PUM2: variants seen among roughly 807,000 people sequenced by gnomAD.
PUM2 encodes pumilio RNA binding family member 2, also known as pumilio homolog 2.
PUM2 carries 57 observed loss-of-function variants against 124.5 expected under a neutral mutation model. That is an observed-to-expected ratio of 0.46 (90% CI 0.37 to 0.57). The LOEUF (loss-of-function observed/expected upper bound fraction) is 0.57. Ranked by LOEUF, PUM2 falls within the 20% of genes least tolerant of loss-of-function variation. The probability of loss-of-function intolerance (pLI) is 0.00; values close to 1 mark genes in which losing one functional copy is unlikely to be tolerated. For synonymous variants in PUM2, 460 were observed against 446.1 expected, an observed-to-expected ratio of 1.03 and a Z score of -0.39; for missense variants, 1,065 against 1,290.6, an observed-to-expected ratio of 0.83 and a Z score of 2.68.
chr2:20,282,825 T>C lies in PUM2; in HGVS notation c.1720+122A>G, dbSNP rs574678413. The C allele has an allele frequency of 3.6e-4, 401 of 1,101,926 alleles. 4 individuals carry two copies. The South Asian group carries it at 6.9e-3, about 19-fold the overall frequency. The allele number at this position is 1,101,926 out of a possible 1,614,324, so 68.3% of individuals were successfully genotyped here. A position where few individuals can be genotyped will look rare whatever the true frequency, so the allele number is the denominator to read the frequency against. ...TTTTTTTTCCTACAAATTAAACCAG[T>C]AGTCCAATACTTTATTCCTGTCCTT... On this transcript the variant is annotated intron_variant, in intron 12 of 20. Coordinates refer to ENST00000361078, the MANE Select transcript of PUM2 (RefSeq NM_015317.5).
rs1356323054 is a variant in PUM2 at position 20,350,818 on chromosome 2, G to A, written c.-240C>T. On this transcript the variant is annotated 5_prime_UTR_variant, in exon 1 of 21. Transcript: ENST00000361078. The stretch of plus-strand genomic sequence containing the variant: ...GAGACACAGAGACTCACAACAACAT[G>A]GCTGCCACCGCCGCCTGCCCTCCCC... 1.0e-6 allele frequency: 1 copy of A among 975,856 alleles called. No individual in the cohort carries two copies. Among genetic ancestry groups the A allele is most frequent in the Non-Finnish European group, 1.2e-6 (1 of 825,064 alleles). The allele number at this position is 975,856 out of a possible 1,614,324, so 60.4% of individuals were successfully genotyped here.
At chr2:20,258,185 G>T (rs1665272598) in intron 16 of PUM2, 58 bp downstream of exon 16, 2 of 1,411,362 alleles carry the variant, frequency 1.4e-6, no homozygotes, top group Non-Finnish European at 9.6e-7. Context: ...TTAAAAACAT[G>T]TAATAATTTA....
intron 2 of PUM2, among the ~76,000 whole-genome samples, chr2:20,326,739 A>G (rs1259793015): frequency 6.6e-6 from 1 of 152,368 alleles, no homozygotes; most frequent in South Asian, 2.1e-4. Flanking sequence ...TAGGCATTCA[A>G]AGCTAATAAT....
At chr2:20,338,107 C>T (rs187974819) in intron 1 of PUM2, among the ~76,000 whole-genome samples, 80 of 152,244 alleles carry the variant, frequency 5.3e-4, no homozygotes, top group Middle Eastern at 3.4e-3. Flanking sequence ...GCCAATTACG[C>T]TACTCTCTAA....
At chr2:20,339,742 T>C (rs917280354) in intron 1 of PUM2, among the ~76,000 whole-genome samples, 2 of 151,996 alleles carry the variant, frequency 1.3e-5, no homozygotes, top group African/African-American at 4.8e-5. Context: ...TAGCCAACTG[T>C]GGGGGCACAC....
At position 20,255,202 on chromosome 2, in the gene PUM2, TA is replaced by T; in HGVS notation, c.2748+13del. 1 of 1,572,064 alleles carries T rather than the reference TA, an allele frequency of 6.4e-7. No homozygotes were observed. Among genetic ancestry groups the T allele is most frequent in the Non-Finnish European group, 8.7e-7 (1 of 1,154,328 alleles). ...AAAATATATAAACATTTCAAATTAT[TA>T]GGGAATTTATACCTGTACCAACTGC... On this transcript the variant is annotated intron_variant, in intron 18 of 20. Transcript: ENST00000361078.
chr2:20,312,618 AAT>A (rs1037462082), intron 3 of PUM2, among the ~76,000 whole-genome samples, 195 bp from the exon 4 acceptor site: 6 of 152,178 alleles, frequency 3.9e-5, no homozygotes, highest in Middle Eastern at 3.2e-3. Flanking sequence ...AGGAATAATC[AAT>A]ATCATGAAAA....
At chr2:20,254,167 C>T (rs994861762) in intron 19 of PUM2, among the ~76,000 whole-genome samples, 153 bp from the exon 20 acceptor site, 22 of 147,990 alleles carry the variant, frequency 1.5e-4, no homozygotes, top group African/African-American at 5.2e-4. Flanking sequence ...TTATTTTGTT[C>T]TTTTTTTTTT....
chr2:20,294,294 T>C (rs1674960569), intron 9 of PUM2, 82 bp downstream of exon 9: 3 of 1,504,814 alleles, frequency 2.0e-6, no homozygotes, highest in Non-Finnish European at 2.7e-6. Context: ...GAAACGTAAG[T>C]CGAAAAACAC....
intron 13 of PUM2, among the ~76,000 whole-genome samples, chr2:20,269,917 A>C (rs1464559759): frequency 1.3e-5 from 2 of 152,220 alleles, no homozygotes; most frequent in Admixed American, 1.3e-4. Context: ...CAGACTAAGT[A>C]ATAACATACT....
intron 1 of PUM2, among the ~76,000 whole-genome samples, chr2:20,348,088 C>T (rs1036074426): frequency 1.3e-5 from 2 of 151,926 alleles, no homozygotes; most frequent in Non-Finnish European, 2.9e-5. Flanking sequence ...TTTGGGAGGC[C>T]AAGGCGGGAG....
At chr2:20,331,417 G>C (rs368237349) in intron 1 of PUM2, among the ~76,000 whole-genome samples, 53 of 152,236 alleles carry the variant, frequency 3.5e-4, no homozygotes, top group Admixed American at 9.8e-4. Context: ...TAAAGTGCTA[G>C]GTCAGACCTT....
chr2:20,322,621 G>A (rs1034649212), intron 2 of PUM2, among the ~76,000 whole-genome samples: 3 of 151,724 alleles, frequency 2.0e-5, no homozygotes, highest in Non-Finnish European at 4.4e-5. Context: ...TGGGCAACAT[G>A]GCGAAACAAT....
chr2:20,263,173 G>C lies in PUM2; in HGVS notation c.2225+20C>G, dbSNP rs771657549. On this transcript the variant is annotated intron_variant, in intron 14 of 20. Coordinates refer to ENST00000361078, the MANE Select transcript of PUM2 (RefSeq NM_015317.5). ...AATTTTCAAAGCAAAAATGAAGTGA[G>C]AAATATCATAATCACCTACCTAGAA... The C allele has an allele frequency of 6.4e-7, 1 of 1,560,432 alleles. No homozygotes were observed. The highest frequency in any genetic ancestry group is 8.8e-7 in the Non-Finnish European group (1 of 1,136,814).
chr2:20,329,053 C>T (rs1228316074), intron 1 of PUM2, among the ~76,000 whole-genome samples: 1 of 151,852 alleles, frequency 6.6e-6, no homozygotes, highest in Non-Finnish European at 1.5e-5. Context: ...TGCCTGTGGT[C>T]CCAGCAACTC....
intron 10 of PUM2, among the ~76,000 whole-genome samples, chr2:20,286,232 C>A (rs574736799): frequency 4.6e-5 from 7 of 152,164 alleles, no homozygotes; most frequent in Admixed American, 2.0e-4. Context: ...ATGTGAGAAG[C>A]CAGATGGAAA....
chr2:20,280,260 T>C (rs190110837), intron 12 of PUM2, among the ~76,000 whole-genome samples: 1 of 152,234 alleles, frequency 6.6e-6, no homozygotes, highest in Non-Finnish European at 1.5e-5. Context: ...TACCAGCCAA[T>C]GCAGTTTCTG....
At chr2:20,252,961 G>T (rs772421986) in intron 20 of PUM2, among the ~76,000 whole-genome samples, 1 of 152,126 alleles carries the variant, frequency 6.6e-6, no homozygotes, top group Non-Finnish European at 1.5e-5. Flanking sequence ...ATTAGGTATC[G>T]TTAAGTAATC....
intron 3 of PUM2, among the ~76,000 whole-genome samples, chr2:20,315,037 A>G (rs1248555222): frequency 6.7e-6 from 1 of 148,750 alleles, no homozygotes; most frequent in Admixed American, 6.8e-5. Flanking sequence ...CTTCAAATCA[A>G]TGCCACCAAA....
Sources: allele counts gnomAD v4.1 joint callset (sites outside exome capture counted in the v4.1 genomes callset), GRCh38; gene constraint gnomAD v4.1.1; transcripts MANE v1.5; gene names NCBI Gene and HGNC (gene_info 2026-07-23, HGNC 2026-07-21).